DNAJC21: variants seen among roughly 807,000 people sequenced by gnomAD.
DNAJC21 encodes the protein DnaJ heat shock protein family (Hsp40) member C21.
A neutral mutation model predicts 72.4 loss-of-function variants in DNAJC21; 63 were observed. The observed-to-expected ratio is 0.87, with a 90% CI of 0.71 to 1.07. The LOEUF (loss-of-function observed/expected upper bound fraction) is 1.07. Among genes scored for constraint, DNAJC21 ranks in the 50% least tolerant of loss-of-function variants. DNAJC21 has a pLI of 0.00. For missense variants in DNAJC21, 634 were observed against 644.8 expected (o/e 0.98, Z 0.18); for synonymous variants, 203 against 216.7 (o/e 0.94, Z 0.56).
intron 1 of DNAJC21, among the ~76,000 whole-genome samples, chr5:34,933,191 TTTTA>T (rs1464717308): frequency 1.3e-5 from 2 of 152,262 alleles, no homozygotes; most frequent in Non-Finnish European, 2.9e-5. Context: ...CTAGAACTGA[TTTTA>T]TTTATTTTAC....
rs2112120295 is a variant in DNAJC21, at chr5:34,958,879, A to G, written c.*4165A>G. 6.6e-6 allele frequency: 1 copy of G among 152,330 alleles called. No homozygotes were observed. Among genetic ancestry groups the G allele is most frequent in the South Asian group, 2.1e-4 (1 of 4,828 alleles). The allele number at this position is 152,330 out of a possible 1,614,324, so 9.4% of individuals were successfully genotyped here. A position where few individuals can be genotyped will look rare whatever the true frequency, so the allele number is the denominator to read the frequency against. ...AAATAAGAAGAATGACTATTTTTCA[A>G]AACAAAAAATGAGAAGAGTGGTATT... On this transcript the variant is annotated 3_prime_UTR_variant, in exon 12 of 12. Coordinates refer to ENST00000648817, the MANE Select transcript of DNAJC21 (RefSeq NM_001012339.3).
intron 6 of DNAJC21, among the ~76,000 whole-genome samples, 190 bp downstream of exon 6, chr5:34,939,199 C>T (rs371085007): frequency 1.1e-4 from 16 of 152,130 alleles, no homozygotes; most frequent in Middle Eastern, 3.4e-3. Context: ...CTGACCATGT[C>T]CTAAACAGTG....
chr5:34,946,618 G>C (rs1765181877), intron 9 of DNAJC21, among the ~76,000 whole-genome samples: 1 of 152,030 alleles, frequency 6.6e-6, no homozygotes, highest in Admixed American at 6.6e-5. Flanking sequence ...ACTTAAAATT[G>C]TAATTTGGAA....
chr5:34,935,289 C>G (rs1331267405), intron 2 of DNAJC21, among the ~76,000 whole-genome samples: 2 of 152,082 alleles, frequency 1.3e-5, no homozygotes, highest in Non-Finnish European at 2.9e-5. Flanking sequence ...GTGTGAAGCT[C>G]CTAGATTAAG....
intron 8 of DNAJC21, among the ~76,000 whole-genome samples, chr5:34,945,227 A>AC (rs1341804287): frequency 6.6e-6 from 1 of 152,024 alleles, no homozygotes; most frequent in Non-Finnish European, 1.5e-5. Flanking sequence ...ACAGGCACAC[A>AC]CCACCACGCC....
chr5:34,951,950 ACTT>A (rs1487480323), intron 10 of DNAJC21: 7 of 985,316 alleles, frequency 7.1e-6, no homozygotes, highest in Non-Finnish European at 8.4e-6. Context: ...AATTCAAGTG[ACTT>A]CTTCACAGCT....
rs1345964757 is a variant in DNAJC21, at chr5:34,929,877, A to C, written c.58A>C (p.Lys20Gln). The change falls in exon 1 of 12, where the codon AAG becomes CAG. Residue 20 changes from lysine to glutamine, a missense_variant. Lys to Gln is a moderately conservative substitution (Grantham distance 53). Coordinates refer to ENST00000648817, the MANE Select transcript of DNAJC21 (RefSeq NM_001012339.3). ...VRRDASEEEL[K>Q]KAYRKLALKW... The stretch of plus-strand genomic sequence containing the variant: ...GCGCGACGCCAGCGAGGAGGAGCTC[A>C]AGAAGGCCTATCGGAAGCTGGCCCT... The C allele has an allele frequency of 1.3e-6, 2 of 1,583,204 alleles. No homozygotes were observed. Among genetic ancestry groups the C allele is most frequent in the Non-Finnish European group, 1.7e-6 (2 of 1,165,452 alleles).
chr5:34,941,354 T>C (rs1404990913), intron 7 of DNAJC21, among the ~76,000 whole-genome samples, 171 bp downstream of exon 7: 1 of 152,062 alleles, frequency 6.6e-6, no homozygotes, highest in Non-Finnish European at 1.5e-5. Context: ...CCTGCCATCA[T>C]GGCCAGCTAA....
rs1428559633 is a variant in DNAJC21 at position 34,945,739 on chromosome 5, T to G, written c.1143-22T>G. 4 of 1,582,118 alleles carry G rather than the reference T, an allele frequency of 2.5e-6. No homozygotes were observed. In the African/African-American group the frequency reaches 5.5e-5, roughly 22 times the overall value. On this transcript the variant is annotated intron_variant, in intron 8 of 11. Transcript: ENST00000648817. ...CTTCACAGAGTCAAGTATTTGACATTTCGATTTATATTTGCTCTTAGGCTT... is the reference window on the plus strand; with the variant it reads ...CTTCACAGAGTCAAGTATTTGACATGTCGATTTATATTTGCTCTTAGGCTT...
chr5:34,951,903 C>G, intron 10 of DNAJC21: 1 of 985,480 alleles, frequency 1.0e-6, no homozygotes, highest in Non-Finnish European at 1.2e-6. Context: ...TATAGTTCAG[C>G]TCTCTAATTT....
rs555485130 is a variant in DNAJC21, at chr5:34,954,433, C to T, written c.1435-120C>T. The T allele has an allele frequency of 6.6e-6, 8 of 1,204,100 alleles. No homozygotes were observed. In the East Asian group the frequency reaches 1.8e-4, roughly 27 times the overall value. The allele number at this position is 1,204,100 out of a possible 1,614,324, so 74.6% of individuals were successfully genotyped here. A position where few individuals can be genotyped will look rare whatever the true frequency, so the allele number is the denominator to read the frequency against. On this transcript the variant is annotated intron_variant, in intron 11 of 11. Coordinates refer to ENST00000648817, the MANE Select transcript of DNAJC21 (RefSeq NM_001012339.3). Reference sequence around the variant, plus strand: ...TTGTTGAACGTGTTTATTACCTGTCCACTCTGTTAAAACATCTTTATTTTA... The same window carrying T: ...TTGTTGAACGTGTTTATTACCTGTCTACTCTGTTAAAACATCTTTATTTTA...
chr5:34,952,122 A>AGT (rs1326664782), intron 10 of DNAJC21: 15 of 924,394 alleles, frequency 1.6e-5, no homozygotes, highest in African/African-American at 1.4e-4. Context: ...TTTTTTAAAA[A>AGT]ATGTGTGTGT....
At chr5:34,944,617 GC>G (rs1264803588) in intron 7 of DNAJC21, among the ~76,000 whole-genome samples, 4 of 152,084 alleles carry the variant, frequency 2.6e-5, no homozygotes, top group African/African-American at 9.7e-5. Flanking sequence ...GACAGGGAAA[GC>G]TGTGGTACGG....
intron 11 of DNAJC21, 89 bp from the exon 12 acceptor site, chr5:34,954,464 G>T: frequency 2.1e-6 from 3 of 1,414,188 alleles, no homozygotes; most frequent in Non-Finnish European, 2.8e-6. Context: ...TTTTACAATT[G>T]TTTGATGCTT....
intron 1 of DNAJC21, among the ~76,000 whole-genome samples, chr5:34,931,015 G>A (rs1764571402): frequency 6.6e-6 from 1 of 152,184 alleles, no homozygotes; most frequent in Non-Finnish European, 1.5e-5. Flanking sequence ...ATGCAATTTG[G>A]AAAAGTGAAC....
intron 8 of DNAJC21, 180 bp from the exon 9 acceptor site, chr5:34,945,581 T>C (rs902213229): frequency 3.6e-6 from 2 of 551,764 alleles, no homozygotes; most frequent in Admixed American, 7.6e-5. Context: ...CAGCCTTGTG[T>C]TATTCTCTAA....
Position 34,955,364 on chromosome 5 carries a change from C to T in DNAJC21, c.*650C>T, listed in dbSNP as rs1343226047. 4 of 152,010 alleles carry T rather than the reference C, an allele frequency of 2.6e-5. No homozygotes were observed. The highest frequency in any genetic ancestry group is 1.3e-4 in the Admixed American group (2 of 15,260). 9.4% of individuals were successfully genotyped at this position (152,010 alleles called of 1,614,324 possible). On this transcript the variant is annotated 3_prime_UTR_variant, in exon 12 of 12. Coordinates refer to ENST00000648817, the MANE Select transcript of DNAJC21 (RefSeq NM_001012339.3). ...AGGTGTATTGTTCAGTTTTTTGCTC[C>T]GATTTGAATTGTGGAGGTGGAAGCA...
chr5:34,945,977 C>T (rs190679292), intron 9 of DNAJC21, among the ~76,000 whole-genome samples, 174 bp downstream of exon 9: 1 of 152,152 alleles, frequency 6.6e-6, no homozygotes, highest in African/African-American at 2.4e-5. Context: ...GCTTCCCCCC[C>T]CTTGTATGTA....
Position 34,938,904 on chromosome 5 carries a change from T to A in DNAJC21, c.790T>A (p.Leu264Met). 1 of 1,614,050 alleles carries A rather than the reference T, an allele frequency of 6.2e-7. No individual in the cohort carries two copies. Among genetic ancestry groups the A allele is most frequent in the East Asian group, 2.2e-5 (1 of 44,880 alleles). Residue 264 changes from leucine (L) to methionine (M), a missense_variant, in exon 6 of 12, where the codon TTG (leucine) becomes ATG (methionine). Physicochemically the swap from Leu to Met is conservative, Grantham distance 15. Coordinates refer to ENST00000648817, the MANE Select transcript of DNAJC21 (RefSeq NM_001012339.3). ...REQSWMTMAN[L>M]EKELQEMEAR... ...ACAGAGCTGGATGACTATGGCCAAT[T>A]TGGAGAAAGAGCTCCAGGAGATGGA...
Sources: gnomAD v4.1 joint callset for allele counts (sites outside exome capture counted in the v4.1 genomes callset) on GRCh38, gnomAD v4.1.1 for gene constraint, MANE v1.5 for transcripts, NCBI Gene and HGNC (gene_info 2026-07-23, HGNC 2026-07-21) for gene names.